LARGE1: variants seen among roughly 807,000 people sequenced by gnomAD.
LARGE1 encodes the protein xylosyl- and glucuronyltransferase LARGE1.
In LARGE1, 43 loss-of-function variants were observed where a neutral mutation model predicts 87.6. The ratio of observed to expected loss-of-function variants is 0.49; its 90% CI spans 0.38 to 0.63. The LOEUF is 0.63. Ranked by LOEUF, LARGE1 falls within the 30% of genes least tolerant of loss-of-function variation. LARGE1 has a pLI of 0.00. For synonymous variants in LARGE1, 434 were observed against 394.6 expected (o/e 1.10, Z -1.18); for missense variants, 802 against 1,000.2 (o/e 0.80, Z 2.67).
intron 6 of LARGE1, among the ~76,000 whole-genome samples, chr22:33,463,157 G>A (rs898089747): frequency 1.4e-4 from 22 of 151,854 alleles, no homozygotes; most frequent in African/African-American, 4.8e-4. Context: ...TGCCATCTTG[G>A]TGGCCGCAAT....
At chr22:33,751,557 G>A (rs1268334805) in intron 2 of LARGE1, among the ~76,000 whole-genome samples, 4 of 151,482 alleles carry the variant, frequency 2.6e-5, no homozygotes. Flanking sequence ...AGTCTTCCTT[G>A]GGGCCTGCCC....
chr22:33,593,345 T>C (rs2267237), intron 5 of LARGE1, among the ~76,000 whole-genome samples: 22,819 of 152,134 alleles, frequency 0.15, 1,961 homozygotes, highest in African/African-American at 0.23. Flanking sequence ...ACCTGGCCTA[T>C]TGGTGTATAT....
chr22:33,688,975 G>T (rs939235294), intron 2 of LARGE1, among the ~76,000 whole-genome samples: 3 of 152,052 alleles, frequency 2.0e-5, no homozygotes, highest in African/African-American at 7.2e-5. Flanking sequence ...AAAGTTTTAT[G>T]CCTTTCCTAA....
intron 5 of LARGE1, among the ~76,000 whole-genome samples, chr22:33,590,557 A>T (rs738971): frequency 6.6e-6 from 1 of 152,024 alleles, no homozygotes; most frequent in Non-Finnish European, 1.5e-5. Flanking sequence ...GTCCCTTGCT[A>T]GGCAGTCCCA....
At chr22:33,239,118 A>T (rs1019456009) in intron 11 of LARGE1, among the ~76,000 whole-genome samples, 33 of 152,066 alleles carry the variant, frequency 2.2e-4, no homozygotes, top group Non-Finnish European at 4.6e-4. Flanking sequence ...GTAAAAAAAA[A>T]AAAACCTCAA....
At chr22:33,423,679 CAAAAAAAAAA>C (rs57917109) in intron 7 of LARGE1, among the ~76,000 whole-genome samples, 2 of 119,294 alleles carry the variant, frequency 1.7e-5, no homozygotes, top group Non-Finnish European at 3.4e-5. Context: ...GATTCTGTCT[CAAAAAAAAAA>C]AAAAAAAATT....
intron 1 of LARGE1, among the ~76,000 whole-genome samples, chr22:33,855,949 G>A (rs962845586): frequency 6.6e-6 from 1 of 152,118 alleles, no homozygotes; most frequent in East Asian, 1.9e-4. Context: ...AAGAGAACAG[G>A]AATAATAAAT....
At chr22:33,868,033 C>A (rs975042777) in intron 1 of LARGE1, among the ~76,000 whole-genome samples, 1 of 152,194 alleles carries the variant, frequency 6.6e-6, no homozygotes, top group African/African-American at 2.4e-5. Flanking sequence ...GCACACTACC[C>A]GCTCCATTTT....
intron 2 of LARGE1, among the ~76,000 whole-genome samples, chr22:33,720,469 T>C (rs988120427): frequency 7.2e-5 from 11 of 152,156 alleles, no homozygotes; most frequent in Admixed American, 7.2e-4. Context: ...CTATACTATA[T>C]AGGCTAGGTG....
rs186728017 is a variant in LARGE1 at position 33,770,593 on chromosome 22, G to T, written c.-82-9035C>A. ...ACAGCTACTCCGGAGGCTGAGGGAG[G>T]ATGATCACTTGAGCAAAGGGTTTGA... On this transcript the variant is annotated intron_variant, in intron 1 of 14. Coordinates refer to ENST00000397394, the MANE Select transcript of LARGE1 (RefSeq NM_133642.5). Among the ~76,000 whole-genome samples the T allele has an allele frequency of 2.0e-5, 3 of 152,136 alleles. No homozygotes were observed. In the East Asian group the frequency reaches 5.8e-4, roughly 29 times the overall value.
the LARGE1 span, among the ~76,000 whole-genome samples, chr22:33,077,925 G>T: frequency 6.6e-6 from 1 of 151,322 alleles, no homozygotes; most frequent in Admixed American, 6.6e-5. Flanking sequence ...AGGTGTTTAT[G>T]CACCTTTGTT....
At chr22:33,917,808 CTA>C (rs1372169175) in intron 1 of LARGE1, among the ~76,000 whole-genome samples, 1 of 152,174 alleles carries the variant, frequency 6.6e-6, no homozygotes. Context: ...AATCCACTCA[CTA>C]GTGCAAGCAT....
chr22:33,720,882 G>C (rs575731137), intron 2 of LARGE1, among the ~76,000 whole-genome samples: 4 of 152,316 alleles, frequency 2.6e-5, no homozygotes, highest in African/African-American at 9.6e-5. Context: ...TGAGGCCAGG[G>C]GGCTGCTGGA....
At chr22:33,432,117 A>T in intron 7 of LARGE1, 44 bp downstream of exon 7, 2 of 1,493,088 alleles carry the variant, frequency 1.3e-6, no homozygotes, top group Non-Finnish European at 1.9e-6. Context: ...CTGGGTCCTC[A>T]TATCACCTTC....
intron 5 of LARGE1, among the ~76,000 whole-genome samples, chr22:33,591,798 G>GGCT (rs1381183308): frequency 1.3e-5 from 2 of 148,486 alleles, no homozygotes; most frequent in African/African-American, 2.5e-5. Context: ...GCTTGGGCCA[G>GGCT]GAGTTCAAGA....
At chr22:33,858,659 G>C (rs2063826658) in intron 1 of LARGE1, among the ~76,000 whole-genome samples, 1 of 152,142 alleles carries the variant, frequency 6.6e-6, no homozygotes, top group Non-Finnish European at 1.5e-5. Flanking sequence ...AGTTGGCCTA[G>C]GAAATCCAGC....
chr22:33,471,020 C>T (rs1379853882), intron 6 of LARGE1, among the ~76,000 whole-genome samples: 2 of 141,068 alleles, frequency 1.4e-5, no homozygotes, highest in Non-Finnish European at 3.0e-5. Flanking sequence ...AATAGTCTTT[C>T]TTCTTCTTCT....
At chr22:33,422,818 A>ACGG (rs2066741105) in intron 7 of LARGE1, among the ~76,000 whole-genome samples, 1 of 152,120 alleles carries the variant, frequency 6.6e-6, no homozygotes, top group Non-Finnish European at 1.5e-5. Context: ...TATCATGAGA[A>ACGG]CGGCACCAAG....
chr22:33,378,445 C>A (rs1313470133), intron 9 of LARGE1, among the ~76,000 whole-genome samples: 3 of 152,134 alleles, frequency 2.0e-5, no homozygotes, highest in Non-Finnish European at 2.9e-5. Context: ...TTATGTGAGG[C>A]CTTTATGTGA....
Sources: gnomAD v4.1 joint callset for allele counts (sites outside exome capture counted in the v4.1 genomes callset) on GRCh38, gnomAD v4.1.1 for gene constraint, MANE v1.5 for transcripts, NCBI Gene and HGNC (gene_info 2026-07-23, HGNC 2026-07-21) for gene names.